The following PAK1 variants were observed in gnomAD, a reference collection of about 807,000 sequenced individuals.
PAK1 encodes the protein serine/threonine-protein kinase PAK 1.
Under a neutral mutation model 67.4 loss-of-function variants are expected in PAK1, and 29 were observed. The observed-to-expected ratio is 0.43, with a 90% CI of 0.32 to 0.59. The LOEUF (loss-of-function observed/expected upper bound fraction) is 0.59, where lower values mean the gene tolerates loss of function less well. PAK1 is among the 20% of genes least tolerant of loss of function. The pLI is 0.07. For synonymous variants in PAK1, 223 were observed against 237.4 expected, an observed-to-expected ratio of 0.94 and a Z score of 0.56; for missense variants, 337 against 670.7, an observed-to-expected ratio of 0.50 and a Z score of 5.50.
chr11:77,410,613 A>G, intron 1 of PAK1, among the ~76,000 whole-genome samples: 1 of 151,492 alleles, frequency 6.6e-6, no homozygotes, highest in East Asian at 1.9e-4. Flanking sequence ...GGAAGGAAAG[A>G]CTGGCTACAC....
intron 4 of PAK1, 54 bp downstream of exon 4, chr11:77,379,187 C>T: frequency 6.9e-7 from 1 of 1,449,346 alleles, no homozygotes. Flanking sequence ...TGAGCTTTCC[C>T]ACCCAGATTA....
chr11:77,479,710 C>T, the PAK1 span, among the ~76,000 whole-genome samples: 9 of 145,212 alleles, frequency 6.2e-5, no homozygotes, highest in African/African-American at 2.1e-4. Context: ...TGGGCTCAAG[C>T]GATTCTCATG....
chr11:77,516,516 G>A, the PAK1 span, among the ~76,000 whole-genome samples: 1 of 152,184 alleles, frequency 6.6e-6, no homozygotes, highest in Non-Finnish European at 1.5e-5. Context: ...AAGCAGTAAT[G>A]TGTCAGGTAT....
At position 77,345,454 on chromosome 11, in the gene PAK1, C is replaced by A. The variant is rs546397841; in HGVS notation, c.886-1523G>T. Reference sequence around the variant, plus strand: ...TTTTCCTGCTTAGTGGACAAGAACACGAACATCTAACAGAACTAAGTTGTC... The same window carrying A: ...TTTTCCTGCTTAGTGGACAAGAACAAGAACATCTAACAGAACTAAGTTGTC... On this transcript the variant is annotated intron_variant, in intron 9 of 14. Coordinates refer to ENST00000356341, the MANE Select transcript of PAK1 (RefSeq NM_002576.5). Among the ~76,000 whole-genome samples, 3 of 152,240 alleles carry A rather than the reference C, an allele frequency of 2.0e-5. No individual in the cohort carries two copies. In the South Asian group the frequency reaches 6.2e-4, roughly 32 times the overall value.
intron 1 of PAK1, among the ~76,000 whole-genome samples, chr11:77,452,697 T>C (rs1295095568): frequency 6.6e-6 from 1 of 152,092 alleles, no homozygotes; most frequent in African/African-American, 2.4e-5. Context: ...AAATTACCCA[T>C]TCAAAAGGCA....
chr11:77,434,764 A>G (rs899699404), intron 1 of PAK1, among the ~76,000 whole-genome samples: 2 of 151,992 alleles, frequency 1.3e-5, no homozygotes, highest in African/African-American at 4.8e-5. Flanking sequence ...GACTACAGGC[A>G]TGCACCACCA....
intron 5 of PAK1, among the ~76,000 whole-genome samples, chr11:77,363,735 C>T (rs1437288503): frequency 6.6e-6 from 1 of 152,210 alleles, no homozygotes; most frequent in Non-Finnish European, 1.5e-5. Flanking sequence ...GGCAAATCCT[C>T]TCCCCAACAA....
chr11:77,405,018 G>C (rs1231167940), intron 1 of PAK1, among the ~76,000 whole-genome samples: 3 of 152,212 alleles, frequency 2.0e-5, no homozygotes, highest in African/African-American at 7.2e-5. Context: ...GTACATAAAA[G>C]AAGATAATCA....
chr11:77,435,055 T>C (rs1251396729), intron 1 of PAK1, among the ~76,000 whole-genome samples: 2 of 148,348 alleles, frequency 1.3e-5, no homozygotes, highest in Non-Finnish European at 3.0e-5. Flanking sequence ...TGAGCCACTA[T>C]GCCCAGCCAA....
At chr11:77,408,349 T>TACAC (rs1316334199) in intron 1 of PAK1, 1 of 151,814 alleles carries the variant, frequency 6.6e-6, no homozygotes, top group African/African-American at 2.4e-5. Flanking sequence ...CATATATACA[T>TACAC]ACACACACAT....
the PAK1 span, among the ~76,000 whole-genome samples, chr11:77,489,656 G>A: frequency 6.6e-6 from 1 of 151,910 alleles, no homozygotes; most frequent in Non-Finnish European, 1.5e-5. Flanking sequence ...TCACTGTGTT[G>A]GCCGGGCTGG....
intron 1 of PAK1, among the ~76,000 whole-genome samples, chr11:77,462,800 C>T (rs1343585474): frequency 1.3e-5 from 2 of 150,462 alleles, no homozygotes; most frequent in African/African-American, 4.9e-5. Flanking sequence ...CCACTGCACT[C>T]CAGCCTGGGC....
chr11:77,502,774 G>A, the PAK1 span, among the ~76,000 whole-genome samples: 5 of 152,080 alleles, frequency 3.3e-5, no homozygotes, highest in Admixed American at 2.6e-4. Flanking sequence ...CACAGACCTC[G>A]CAAGCTGGCA....
intron 1 of PAK1, among the ~76,000 whole-genome samples, chr11:77,456,180 T>TA (rs993261804): frequency 1.8e-4 from 28 of 151,966 alleles, no homozygotes; most frequent in African/African-American, 4.8e-4. Flanking sequence ...AACTGTATTT[T>TA]AAAAAAAATA....
Position 77,365,820 on chromosome 11 carries a change from G to A in PAK1, c.478-6803C>T, listed in dbSNP as rs558823836. On this transcript the variant is annotated intron_variant, in intron 5 of 14. Transcript: ENST00000356341. ...TGTACTCCAGCCTGGGCGACAGAGCGAGACTCCGTCTCAGAAAAAGAAAAA... is the reference window on the plus strand; with the variant it reads ...TGTACTCCAGCCTGGGCGACAGAGCAAGACTCCGTCTCAGAAAAAGAAAAA... Among the ~76,000 whole-genome samples the A allele has an allele frequency of 1.5e-3, 221 of 150,848 alleles. 1 individual carries two copies. The highest frequency in any genetic ancestry group is 5.2e-3 in the African/African-American group (213 of 40,912).
the PAK1 span, among the ~76,000 whole-genome samples, chr11:77,487,899 T>C: frequency 6.6e-6 from 1 of 152,092 alleles, no homozygotes; most frequent in East Asian, 1.9e-4. Context: ...CTGGCTTCTA[T>C]TGTAGAGCCC....
At chr11:77,489,496 C>T in the PAK1 span, among the ~76,000 whole-genome samples, 4 of 152,088 alleles carry the variant, frequency 2.6e-5, no homozygotes, top group Admixed American at 2.6e-4. Flanking sequence ...CCTCTGATGC[C>T]AAGCCGAAGC....
At chr11:77,499,654 TA>T in the PAK1 span, among the ~76,000 whole-genome samples, 1 of 152,208 alleles carries the variant, frequency 6.6e-6, no homozygotes, top group Non-Finnish European at 1.5e-5. Context: ...ATACTTTCGT[TA>T]TACCTTTATT....
chr11:77,349,298 A>T lies in PAK1; in HGVS notation c.837-11T>A. 1.3e-6 allele frequency: 2 copies of T among 1,594,328 alleles called. No individual in the cohort carries two copies. The highest frequency in any genetic ancestry group is 1.7e-6 in the Non-Finnish European group (2 of 1,168,532). On this transcript the variant is annotated splice_polypyrimidine_tract_variant and intron_variant, in intron 8 of 14. Coordinates refer to ENST00000356341, the MANE Select transcript of PAK1 (RefSeq NM_002576.5). ...ACGGTGCCTGAAGCACTGAACAGTA[A>T]GGTGGCGGAGAAAGAGGGAAAAAAA...
Sources: gnomAD v4.1 joint callset for allele counts (sites outside exome capture counted in the v4.1 genomes callset) on GRCh38, gnomAD v4.1.1 for gene constraint, MANE v1.5 for transcripts, NCBI Gene and HGNC (gene_info 2026-07-23, HGNC 2026-07-21) for gene names.